LMO7: variants seen among roughly 807,000 people sequenced by gnomAD.
The protein encoded by LMO7 is LIM domain only protein 7.
Under a neutral mutation model 206.5 loss-of-function variants are expected in LMO7, and 120 were observed. That is an observed-to-expected ratio of 0.58 (90% CI 0.50 to 0.68). LMO7 has a LOEUF of 0.68. Ranked by LOEUF, LMO7 falls within the 30% of genes least tolerant of loss-of-function variation. The pLI is 0.00. For missense variants in LMO7, 1,959 were observed against 1,957.9 expected (o/e 1.00, Z -0.01); for synonymous variants, 706 against 681.5 (o/e 1.04, Z -0.56).
chr13:75,760,454 T>C, intron 3 of LMO7: 1 of 1,181,638 alleles, frequency 8.5e-7, no homozygotes, highest in Non-Finnish European at 1.0e-6. Context: ...AGTCGTTCTG[T>C]AATTTGTAAT....
chr13:75,793,996 G>T lies in LMO7; in HGVS notation c.318-1405G>T, dbSNP rs185320315. 1.3e-3 allele frequency among the ~76,000 whole-genome samples: 194 copies of T among 152,240 alleles called. 1 individual carries two copies. Among genetic ancestry groups the T allele is most frequent in the African/African-American group, 4.5e-3 (187 of 41,550 alleles). On this transcript the variant is annotated intron_variant, in intron 4 of 30. Coordinates refer to ENST00000377534, the MANE Select transcript of LMO7 (RefSeq NM_001306080.2). ...AACTTGTGGTTGAATATAGTTGAAG[G>T]TTATTTTCATTGCCATATGATATTT...
At position 75,722,642 on chromosome 13, in the gene LMO7, C is replaced by G. The variant is rs530803296; in HGVS notation, c.141-4387C>G. Among the ~76,000 whole-genome samples, 36 of 152,164 alleles carry G rather than the reference C, an allele frequency of 2.4e-4. 1 individual carries two copies. The South Asian group carries it at 7.3e-3, about 31-fold the overall frequency. ...CACTGTGGAAAACAGTGTGGAGATT[C>G]CTTAAAGATCTGCCATTACTAGGTA... On this transcript the variant is annotated intron_variant, in intron 2 of 30. Coordinates refer to ENST00000377534, the MANE Select transcript of LMO7 (RefSeq NM_001306080.2).
chr13:75,764,046 G>A (rs976277541), intron 4 of LMO7, among the ~76,000 whole-genome samples: 1 of 151,934 alleles, frequency 6.6e-6, no homozygotes, highest in Non-Finnish European at 1.5e-5. Context: ...ATTTTACTTT[G>A]TAGGAAGCAG....
chr13:75,710,737 T>A (rs1424314131), intron 1 of LMO7, among the ~76,000 whole-genome samples: 1 of 152,140 alleles, frequency 6.6e-6, no homozygotes, highest in Non-Finnish European at 1.5e-5. Flanking sequence ...AATCATGTCA[T>A]CTGCAAACAG....
chr13:75,753,440 GT>G (rs2047432837), intron 3 of LMO7, among the ~76,000 whole-genome samples: 1 of 152,030 alleles, frequency 6.6e-6, no homozygotes, highest in Non-Finnish European at 1.5e-5. Flanking sequence ...TCTTGTTTTT[GT>G]TGCCCGTGCT....
chr13:75,760,375 A>G, intron 3 of LMO7: 2 of 1,052,120 alleles, frequency 1.9e-6, no homozygotes, highest in South Asian at 7.5e-5. Flanking sequence ...TCAGTCCTAT[A>G]GTATGGTTTC....
intron 3 of LMO7, among the ~76,000 whole-genome samples, chr13:75,735,040 G>T (rs1051604153): frequency 2.0e-5 from 3 of 151,442 alleles, no homozygotes; most frequent in Admixed American, 6.6e-5. Context: ...GGAGCTTGCA[G>T]TTAGCCGAGA....
chr13:75,821,659 G>A (rs1260032807), intron 14 of LMO7, 50 bp downstream of exon 14: 2 of 1,356,858 alleles, frequency 1.5e-6, no homozygotes, highest in East Asian at 4.7e-5. Context: ...GCAAAATGTT[G>A]GTGAACTTGT....
At chr13:75,719,905 A>G (rs1044287798) in intron 2 of LMO7, among the ~76,000 whole-genome samples, 2 of 152,208 alleles carry the variant, frequency 1.3e-5, no homozygotes, top group African/African-American at 4.8e-5. Flanking sequence ...TTAGTTTTGT[A>G]AGAAACTGCC....
chr13:75,798,621 A>G (rs1248882621), intron 6 of LMO7, among the ~76,000 whole-genome samples: 1 of 152,246 alleles, frequency 6.6e-6, no homozygotes, highest in Non-Finnish European at 1.5e-5. Context: ...GTATGTGACT[A>G]TATCACATGT....
Position 75,846,381 on chromosome 13 carries a change from G to A in LMO7, c.4150+1002G>A, listed in dbSNP as rs144262048. Among the ~76,000 whole-genome samples, 327 of 152,234 alleles carry A rather than the reference G, an allele frequency of 2.1e-3. 1 individual carries two copies. Among genetic ancestry groups the A allele is most frequent in the African/African-American group, 7.5e-3 (311 of 41,530 alleles). ...TTGCTATTTTTCTGTTAATGGGTCC[G>A]TAACTATAACCACATTATTATCTTT... On this transcript the variant is annotated intron_variant, in intron 26 of 30. Transcript: ENST00000377534.
chr13:75,765,962 C>T (rs551961941), intron 4 of LMO7, among the ~76,000 whole-genome samples: 13 of 152,216 alleles, frequency 8.5e-5, no homozygotes, highest in African/African-American at 2.6e-4. Context: ...ATCTTTAAAA[C>T]GATCCTATCT....
chr13:75,636,518 C>G lies in LMO7; in HGVS notation c.-140C>G, dbSNP rs2035873449. The stretch of plus-strand genomic sequence containing the variant: ...AGAGCGCAACAAAGGGAACTAGAGC[C>G]CCGGCGCCTTCGCAGCCGGAGCGGA... On this transcript the variant is annotated 5_prime_UTR_variant, in exon 1 of 31. Coordinates refer to ENST00000377534, the MANE Select transcript of LMO7 (RefSeq NM_001306080.2). 6.6e-7 allele frequency: 1 copy of G among 1,512,226 alleles called. No individual in the cohort carries two copies. The highest frequency in any genetic ancestry group is 8.8e-7 in the Non-Finnish European group (1 of 1,138,216). 93.7% of individuals were successfully genotyped at this position (1,512,226 alleles called of 1,614,324 possible).
At chr13:75,681,718 G>GTATATATATATATATATATATA (rs71127572) in intron 1 of LMO7, among the ~76,000 whole-genome samples, 46 of 104,518 alleles carry the variant, frequency 4.4e-4, no homozygotes, top group South Asian at 1.0e-3. Context: ...ATATATATAT[G>GTATATATATATATATATATATA]TATATATATA....
intron 26 of LMO7, among the ~76,000 whole-genome samples, chr13:75,846,184 G>A (rs1595498022): frequency 2.6e-5 from 4 of 152,106 alleles, no homozygotes; most frequent in East Asian, 1.9e-4. Context: ...AATGCCCTGT[G>A]AGCAAAACAA....
intron 4 of LMO7, among the ~76,000 whole-genome samples, chr13:75,790,735 T>A (rs543616418): frequency 6.6e-6 from 1 of 152,308 alleles, no homozygotes; most frequent in East Asian, 1.9e-4. Flanking sequence ...GCTCCCTTGT[T>A]CTTACTCTCT....
Position 75,711,763 on chromosome 13 carries a change from T to G in LMO7, c.70-1419T>G, listed in dbSNP as rs114783085. ...GGCCATCTTGGCTCCACCCCCTACATTTTTCTTATGAGGCTGTGGGCTCCC... is the reference window on the plus strand; with the variant it reads ...GGCCATCTTGGCTCCACCCCCTACAGTTTTCTTATGAGGCTGTGGGCTCCC... On this transcript the variant is annotated intron_variant, in intron 1 of 30. Transcript: ENST00000377534. Among the ~76,000 whole-genome samples the G allele has an allele frequency of 3.8e-3, 586 of 152,320 alleles. 5 individuals carry two copies. The highest frequency in any genetic ancestry group is 0.013 in the African/African-American group (560 of 41,572).
At chr13:75,834,199 A>G (rs570565680) in intron 16 of LMO7, 27 bp from the exon 17 acceptor site, 6 of 1,542,726 alleles carry the variant, frequency 3.9e-6, no homozygotes, top group African/African-American at 1.4e-5. Context: ...TTTTTCCCCA[A>G]TTGGTTAATT....
intron 25 of LMO7, among the ~76,000 whole-genome samples, chr13:75,844,035 TATG>T (rs1262951476): frequency 1.3e-5 from 2 of 152,210 alleles, no homozygotes; most frequent in Non-Finnish European, 2.9e-5. Context: ...TTTTAAAAGT[TATG>T]GATTTACTTA....
Sources: allele counts gnomAD v4.1 joint callset (sites outside exome capture counted in the v4.1 genomes callset), GRCh38; gene constraint gnomAD v4.1.1; transcripts MANE v1.5; gene names NCBI Gene and HGNC (gene_info 2026-07-23, HGNC 2026-07-21).